SRL: variants seen among roughly 807,000 people sequenced by gnomAD.
The protein encoded by SRL is sarcalumenin.
Under a neutral mutation model 39.5 loss-of-function variants are expected in SRL, and 23 were observed. That is an observed-to-expected ratio of 0.58 (90% CI 0.42 to 0.82). The LOEUF (loss-of-function observed/expected upper bound fraction) is 0.82, where lower values mean the gene tolerates loss of function less well. Ranked by LOEUF, SRL falls within the 40% of genes least tolerant of loss-of-function variation. SRL has a pLI of 0.00. For missense variants in SRL, 592 were observed against 607.8 expected (o/e 0.97, Z 0.27); for synonymous variants, 272 against 237.4 (o/e 1.15, Z -1.34).
intron 1 of SRL, chr16:4,239,549 A>C (rs1367020452): frequency 6.6e-6 from 1 of 152,346 alleles, no homozygotes; most frequent in Non-Finnish European, 1.5e-5. Flanking sequence ...GGAAACCAAA[A>C]GCATAGCTCT....
intron 2 of SRL, among the ~76,000 whole-genome samples, chr16:4,203,908 C>A (rs892019181): frequency 6.6e-6 from 1 of 152,240 alleles, no homozygotes; most frequent in African/African-American, 2.4e-5. Context: ...GTTGGCCTGT[C>A]AGTGTACTCC....
intron 1 of SRL, among the ~76,000 whole-genome samples, chr16:4,218,239 C>T (rs1288941345): frequency 1.3e-5 from 2 of 152,168 alleles, no homozygotes; most frequent in South Asian, 2.1e-4. Flanking sequence ...CACTTCACCC[C>T]AACGCAAACG....
chr16:4,225,034 G>A (rs139833480), intron 1 of SRL, among the ~76,000 whole-genome samples: 16 of 152,286 alleles, frequency 1.1e-4, no homozygotes, highest in Non-Finnish European at 1.9e-4. Flanking sequence ...CGAAAGTCCA[G>A]AATAAGCAAA....
chr16:4,202,523 G>A (rs2052250115), intron 3 of SRL, among the ~76,000 whole-genome samples: 1 of 151,726 alleles, frequency 6.6e-6, no homozygotes, highest in South Asian at 2.1e-4. Context: ...AACCTGGGAG[G>A]CAGAGCTTGC....
intron 1 of SRL, among the ~76,000 whole-genome samples, chr16:4,235,066 C>G (rs1031412112): frequency 6.6e-6 from 1 of 152,174 alleles, no homozygotes; most frequent in Non-Finnish European, 1.5e-5. Context: ...GTCTTGGTAG[C>G]AGGGACAGGG....
chr16:4,224,953 A>T (rs2052570916), intron 1 of SRL, among the ~76,000 whole-genome samples: 1 of 152,184 alleles, frequency 6.6e-6, no homozygotes, highest in South Asian at 2.1e-4. Context: ...ACACGGCTGA[A>T]CCTGGAAGAC....
At chr16:4,204,390 C>G in intron 2 of SRL, 143 bp downstream of exon 2, 2 of 102,232 alleles carry the variant, frequency 2.0e-5, no homozygotes, top group South Asian at 2.0e-4. Flanking sequence ...CCCAACGTCC[C>G]CTCCAGCCTC....
intron 1 of SRL, among the ~76,000 whole-genome samples, chr16:4,237,360 C>T (rs531489133): frequency 2.0e-5 from 3 of 152,244 alleles, no homozygotes; most frequent in African/African-American, 7.2e-5. Context: ...GGCCTGGCTC[C>T]CAAGCTGGGA....
At position 4,191,924 on chromosome 16, in the gene SRL, A is replaced by T. The variant is rs1034597607; in HGVS notation, c.*229T>A. The T allele has an allele frequency of 2.1e-6, 1 of 474,640 alleles. No individual in the cohort carries two copies. The highest frequency in any genetic ancestry group is 4.9e-5 in the South Asian group (1 of 20,358). The allele number at this position is 474,640 out of a possible 1,614,324, so 29.4% of individuals were successfully genotyped here. A position where few individuals can be genotyped will look rare whatever the true frequency, so the allele number is the denominator to read the frequency against. On this transcript the variant is annotated 3_prime_UTR_variant, in exon 6 of 6. Transcript: ENST00000399609. ...AGCAGGTGGAGGCTGACTTGCCTCA[A>T]TCAGGCCTCCTCATTGAAGCAACAA...
intron 1 of SRL, among the ~76,000 whole-genome samples, chr16:4,220,288 C>CAT (rs2052508751): frequency 6.6e-6 from 1 of 151,252 alleles, no homozygotes; most frequent in Non-Finnish European, 1.5e-5. Flanking sequence ...AACACACACA[C>CAT]ACACACACAC....
chr16:4,237,490 C>T (rs2052725485), intron 1 of SRL, among the ~76,000 whole-genome samples: 1 of 152,260 alleles, frequency 6.6e-6, no homozygotes, highest in South Asian at 2.1e-4. Context: ...ATCAGTCTCC[C>T]CCTCCCTACT....
intron 2 of SRL, 127 bp downstream of exon 2, chr16:4,204,406 T>TCTA: frequency 3.4e-6 from 2 of 585,606 alleles, no homozygotes; most frequent in Non-Finnish European, 5.9e-6. Context: ...GCCTCCAAGA[T>TCTA]AGATACAGCC....
At chr16:4,230,937 A>G (rs1410452629) in intron 1 of SRL, among the ~76,000 whole-genome samples, 1 of 152,130 alleles carries the variant, frequency 6.6e-6, no homozygotes, top group Non-Finnish European at 1.5e-5. Flanking sequence ...GCAAGGAAGG[A>G]TCCCCCTTAG....
In SRL at chr16:4,192,856, A is replaced by C; in HGVS notation, c.719T>G (p.Phe240Cys). 1 of 1,614,180 alleles carries C rather than the reference A, an allele frequency of 6.2e-7. No individual in the cohort carries two copies. The highest frequency in any genetic ancestry group is 8.5e-7 in the Non-Finnish European group (1 of 1,180,032). ...GGATTCACGCCCCTTCAACTGGCGG[A>C]AGAGCATCTCCAGCTCTAGACCCAC... ...LDVGLELEML[F>C]RQLKGRESQI... The change falls in exon 6 of 6, where the codon TTC becomes TGC. Residue 240 changes from phenylalanine (F) to cysteine (C), a missense_variant. Coordinates refer to ENST00000399609, the MANE Select transcript of SRL (RefSeq NM_001098814.2). This position sits in a 1 kb window ranked among gnomAD's most constrained non-coding sequence, Gnocchi z 4.0.
At chr16:4,205,436 A>G (rs1188028006) in intron 1 of SRL, among the ~76,000 whole-genome samples, 3 of 152,162 alleles carry the variant, frequency 2.0e-5, no homozygotes, top group South Asian at 2.1e-4. Flanking sequence ...AAAATAATTA[A>G]TAAAATGTAA....
chr16:4,203,122 C>A, intron 3 of SRL, 44 bp downstream of exon 3: 1 of 1,570,362 alleles, frequency 6.4e-7, no homozygotes, highest in South Asian at 1.1e-5. Flanking sequence ...CAGGCCTGCG[C>A]CGTACCCGTA....
intron 1 of SRL, among the ~76,000 whole-genome samples, chr16:4,240,843 C>A (rs2052765266): frequency 6.6e-6 from 1 of 152,154 alleles, no homozygotes; most frequent in Admixed American, 6.5e-5. Context: ...CGCCTGACAG[C>A]CGCCTGGAAT....
chr16:4,232,533 CAG>C (rs1212575070), intron 1 of SRL, among the ~76,000 whole-genome samples: 1 of 150,718 alleles, frequency 6.6e-6, no homozygotes, highest in Admixed American at 6.6e-5. Flanking sequence ...TTTTTTTCAA[CAG>C]AGTCTTGCTC....
At chr16:4,240,478 C>T (rs539405214) in intron 1 of SRL, among the ~76,000 whole-genome samples, 1 of 152,136 alleles carries the variant, frequency 6.6e-6, no homozygotes, top group Non-Finnish European at 1.5e-5. Flanking sequence ...AAGTGCTGAG[C>T]AGGAGCAGGG....
Sources: allele counts gnomAD v4.1 joint callset (sites outside exome capture counted in the v4.1 genomes callset), GRCh38; gene constraint gnomAD v4.1.1; non-coding constraint Gnocchi (gnomAD v3.1); transcripts MANE v1.5; gene names NCBI Gene and HGNC (gene_info 2026-07-23, HGNC 2026-07-21).